Variants in GRAMD1C observed in about 807,000 individuals in gnomAD.
The protein encoded by GRAMD1C is protein Aster-C.
GRAMD1C carries 89 observed loss-of-function variants against 97.8 expected under a neutral mutation model. That is an observed-to-expected ratio of 0.91 (90% CI 0.77 to 1.09). GRAMD1C has a LOEUF of 1.09. Among genes scored for constraint, GRAMD1C ranks in the 50% least tolerant of loss-of-function variants. The probability of loss-of-function intolerance (pLI) is 0.00; values close to 1 mark genes in which losing one functional copy is unlikely to be tolerated. For synonymous variants in GRAMD1C, 256 were observed against 267.0 expected (o/e 0.96, Z 0.40); for missense variants, 740 against 766.4 (o/e 0.97, Z 0.41).
At chr3:113,913,017 A>G (rs183708719) in intron 9 of GRAMD1C, 118 of 581,674 alleles carry the variant, frequency 2.0e-4, no homozygotes, top group Non-Finnish European at 2.6e-4. Flanking sequence ...ACATTTGGAA[A>G]GATGAAGGGT....
At chr3:113,936,481 C>T (rs1268525467) in intron 14 of GRAMD1C, 39 bp downstream of exon 14, 5 of 1,376,198 alleles carry the variant, frequency 3.6e-6, no homozygotes, top group Non-Finnish European at 5.1e-6. Context: ...AAGATTTTTA[C>T]TTTAGTTATA....
At chr3:113,942,674 T>C (rs190780910) in intron 17 of GRAMD1C, among the ~76,000 whole-genome samples, 2 of 152,232 alleles carry the variant, frequency 1.3e-5, no homozygotes, top group Non-Finnish European at 2.9e-5. Context: ...GTTTCTGGTA[T>C]GTACTGCTAT....
chr3:113,927,789 G>C (rs746078023), intron 10 of GRAMD1C, among the ~76,000 whole-genome samples: 6 of 152,200 alleles, frequency 3.9e-5, no homozygotes, highest in Non-Finnish European at 8.8e-5. Context: ...GCAGAAGTGG[G>C]ACTGTTGGGC....
chr3:113,940,927 A>C (rs1189516814), intron 17 of GRAMD1C, among the ~76,000 whole-genome samples: 3 of 152,138 alleles, frequency 2.0e-5, no homozygotes, highest in Non-Finnish European at 4.4e-5. Flanking sequence ...CTGTTTATAA[A>C]TCTCTCAGAA....
intron 5 of GRAMD1C, among the ~76,000 whole-genome samples, chr3:113,879,304 A>C (rs1397786502): frequency 6.6e-6 from 1 of 151,830 alleles, no homozygotes; most frequent in Non-Finnish European, 1.5e-5. Flanking sequence ...ATTGCCCTCT[A>C]CAGGGACACC....
At chr3:113,874,725 C>T (rs1934961096) in intron 3 of GRAMD1C, among the ~76,000 whole-genome samples, 1 of 152,144 alleles carries the variant, frequency 6.6e-6, no homozygotes. Context: ...TTACTTTTGT[C>T]TAACATCTAA....
At chr3:113,919,265 A>G (rs556873500) in intron 10 of GRAMD1C, 14 of 422,378 alleles carry the variant, frequency 3.3e-5, no homozygotes, top group Non-Finnish European at 4.7e-5. Flanking sequence ...TGTGAGATTG[A>G]TATGTCTTTA....
chr3:113,849,501 C>T (rs566972384), intron 2 of GRAMD1C, among the ~76,000 whole-genome samples: 5 of 151,592 alleles, frequency 3.3e-5, no homozygotes, highest in South Asian at 4.2e-4. Context: ...TGACTCTTAA[C>T]GAGCATGCTG....
intron 9 of GRAMD1C, among the ~76,000 whole-genome samples, chr3:113,914,652 C>T (rs1420119752): frequency 2.7e-5 from 4 of 150,890 alleles, no homozygotes; most frequent in African/African-American, 9.7e-5. Context: ...ATGTTACTTC[C>T]TCTATTATGC....
At chr3:113,900,912 G>A in intron 6 of GRAMD1C, 119 bp from the exon 7 acceptor site, 1 of 544,282 alleles carries the variant, frequency 1.8e-6, no homozygotes, top group South Asian at 2.7e-5. Context: ...AACTACCAAA[G>A]CCCCATATCT....
intron 2 of GRAMD1C, among the ~76,000 whole-genome samples, chr3:113,845,866 A>T (rs914835074): frequency 5.3e-5 from 8 of 152,314 alleles, no homozygotes; most frequent in Non-Finnish European, 1.0e-4. Context: ...TTAGCAGTTC[A>T]GTTCATTGGA....
intron 5 of GRAMD1C, among the ~76,000 whole-genome samples, chr3:113,876,923 G>A (rs1406043400): frequency 6.6e-6 from 1 of 151,926 alleles, no homozygotes; most frequent in East Asian, 1.9e-4. Context: ...TTTTGGGGGA[G>A]GAGGGGAGAG....
chr3:113,879,631 C>CA (rs1041218779), intron 5 of GRAMD1C, among the ~76,000 whole-genome samples: 32 of 151,914 alleles, frequency 2.1e-4, no homozygotes, highest in African/African-American at 7.5e-4. Context: ...ATGTCATCCC[C>CA]ATATGTGGAG....
At chr3:113,861,768 G>A (rs1006100729) in intron 2 of GRAMD1C, among the ~76,000 whole-genome samples, 2 of 152,124 alleles carry the variant, frequency 1.3e-5, no homozygotes, top group Non-Finnish European at 2.9e-5. Context: ...CAATAGTTAC[G>A]AGGTAAATGT....
chr3:113,842,849 G>A (rs1350823536), intron 1 of GRAMD1C, among the ~76,000 whole-genome samples: 1 of 151,770 alleles, frequency 6.6e-6, no homozygotes, highest in Non-Finnish European at 1.5e-5. Context: ...TGTAATCCCA[G>A]CTACTCGGGA....
chr3:113,875,137 G>GTT (rs35497926), intron 3 of GRAMD1C, among the ~76,000 whole-genome samples: 75,943 of 151,394 alleles, frequency 0.5, 19,564 homozygotes, highest in East Asian at 0.67. Flanking sequence ...TTAAAGATCA[G>GTT]TTTTTTTTAG....
At chr3:113,882,692 A>T in intron 5 of GRAMD1C, 60 bp from the exon 6 acceptor site, 1 of 971,744 alleles carries the variant, frequency 1.0e-6, no homozygotes, top group Non-Finnish European at 1.7e-6. Context: ...GACTTTCATG[A>T]CAGATAATCT....
At chr3:113,886,043 C>G in intron 6 of GRAMD1C, 1 of 1,167,924 alleles carries the variant, frequency 8.6e-7, no homozygotes, top group Non-Finnish European at 1.2e-6. Context: ...AGCTAATCCC[C>G]CTCCACTTGG....
intron 2 of GRAMD1C, among the ~76,000 whole-genome samples, chr3:113,867,489 A>C (rs1934629612): frequency 6.6e-6 from 1 of 152,008 alleles, no homozygotes; most frequent in Non-Finnish European, 1.5e-5. Flanking sequence ...ATGGGGTTTC[A>C]CTATTTTGGC....
Sources: gnomAD v4.1 joint callset for allele counts (sites outside exome capture counted in the v4.1 genomes callset) on GRCh38, gnomAD v4.1.1 for gene constraint, MANE v1.5 for transcripts, NCBI Gene and HGNC (gene_info 2026-07-23, HGNC 2026-07-21) for gene names.